ERAP1: variants seen among roughly 807,000 people sequenced by gnomAD.
ERAP1 encodes adipocyte-derived leucine aminopeptidase.
ERAP1 carries 86 observed loss-of-function variants against 103.7 expected under a neutral mutation model. That is an observed-to-expected ratio of 0.83 (90% CI 0.70 to 0.99). ERAP1 has a LOEUF of 0.99. ERAP1 is among the 50% of genes least tolerant of loss of function. The pLI is 0.00. For synonymous variants in ERAP1, 398 were observed against 402.4 expected (o/e 0.99, Z 0.13); for missense variants, 1,009 against 1,128.4 (o/e 0.89, Z 1.52).
At chr5:96,890,319 A>G in the ERAP1 span, among the ~76,000 whole-genome samples, 4 of 152,158 alleles carry the variant, frequency 2.6e-5, no homozygotes, top group African/African-American at 9.7e-5. Context: ...CGCAACTTAG[A>G]TCCCTCACAT....
At chr5:96,920,597 A>G in the ERAP1 span, among the ~76,000 whole-genome samples, 1 of 152,256 alleles carries the variant, frequency 6.6e-6, no homozygotes, top group African/African-American at 2.4e-5. Flanking sequence ...TCTACCAAAC[A>G]TAAGCCTGCT....
the ERAP1 span, among the ~76,000 whole-genome samples, chr5:96,856,148 G>A: frequency 9.3e-5 from 14 of 150,350 alleles, no homozygotes; most frequent in Middle Eastern, 6.3e-3. Context: ...GTGAAACCCC[G>A]TCTGTATTAA....
At chr5:96,914,146 T>TCACACACACACA in the ERAP1 span, among the ~76,000 whole-genome samples, 5 of 104,724 alleles carry the variant, frequency 4.8e-5, no homozygotes, top group Admixed American at 2.1e-4. Flanking sequence ...TCTCTCTCTC[T>TCACACACACACA]CTCACACACA....
the ERAP1 span, chr5:96,889,524 G>A: frequency 5.7e-6 from 4 of 698,838 alleles, no homozygotes; most frequent in Non-Finnish European, 1.0e-5. Flanking sequence ...CTTTTATCAG[G>A]TTTAACGTTA....
the ERAP1 span, among the ~76,000 whole-genome samples, chr5:96,831,431 A>G: frequency 4.6e-5 from 7 of 152,296 alleles, no homozygotes; most frequent in African/African-American, 1.7e-4. Flanking sequence ...CAAATACTGT[A>G]TTTTCCATCC....
At chr5:96,918,477 G>C in the ERAP1 span, 6 of 152,190 alleles carry the variant, frequency 3.9e-5, no homozygotes, top group Non-Finnish European at 8.8e-5. Context: ...GGCCTTTTGG[G>C]TTAAGCCTTA....
At chr5:96,932,999 G>C in the ERAP1 span, among the ~76,000 whole-genome samples, 2 of 152,138 alleles carry the variant, frequency 1.3e-5, no homozygotes, top group African/African-American at 4.8e-5. Flanking sequence ...GAAGTTCTGT[G>C]TGGGAGGATA....
intron 11 of ERAP1, among the ~76,000 whole-genome samples, chr5:96,787,068 G>C (rs1776111091): frequency 6.6e-6 from 1 of 152,090 alleles, no homozygotes; most frequent in African/African-American, 2.4e-5. Flanking sequence ...AGACCAAAAT[G>C]ATGCAACAAC....
Position 96,793,462 on chromosome 5 carries a change from C to T in ERAP1, c.1126G>A (p.Glu376Lys). 1 of 1,613,906 alleles carries T rather than the reference C, an allele frequency of 6.2e-7. No individual in the cohort carries two copies. The highest frequency in any genetic ancestry group is 8.5e-7 in the Non-Finnish European group (1 of 1,179,894). ...AACTCCATAAATTTGGCAAATCCTT[C>T]ATTTAGCCAAAGATCATTCCACCAT... Reference protein sequence around the residue: ...MEWWNDLWLNEGFAKFMEFVS... With the variant: ...MEWWNDLWLNKGFAKFMEFVS... The change falls in exon 7 of 19, where the codon GAA (glutamate) becomes AAA (lysine). Residue 376 changes from glutamate (E) to lysine (K), a missense_variant. Glu to Lys is a moderately conservative substitution (Grantham distance 56). Around this residue, in one of 3 missense-constraint regions of ERAP1, gnomAD observed 392 missense variants for 455.2 expected, o/e 0.86. Coordinates refer to ENST00000443439, the MANE Select transcript of ERAP1 (RefSeq NM_001040458.3).
the ERAP1 span, among the ~76,000 whole-genome samples, chr5:96,813,761 TTC>T: frequency 1.3e-5 from 2 of 151,284 alleles, no homozygotes; most frequent in Admixed American, 6.6e-5. Flanking sequence ...GTAGTTAGCA[TTC>T]TGTTATATCT....
the ERAP1 span, among the ~76,000 whole-genome samples, chr5:96,862,026 G>A: frequency 7.9e-4 from 121 of 152,262 alleles, no homozygotes; most frequent in African/African-American, 2.7e-3. Context: ...TGTCACCCAG[G>A]TTGGAGTGCA....
At chr5:96,894,189 T>A in the ERAP1 span, among the ~76,000 whole-genome samples, 1 of 152,218 alleles carries the variant, frequency 6.6e-6, no homozygotes, top group East Asian at 1.9e-4. Context: ...TCCGTAGGTA[T>A]TTACTGAATG....
rs567581904 is a variant in ERAP1, at chr5:96,785,190, C to T, written c.1943+598G>A. The T allele has an allele frequency of 6.1e-5, 9 of 146,578 alleles. No homozygotes were observed. In the South Asian group the frequency reaches 1.8e-3, roughly 29 times the overall value. The allele number at this position is 146,578 out of a possible 1,614,324, so 9.1% of individuals were successfully genotyped here. ...GGAGCATTTCCTTAAAAACCATTGT[C>T]ATGGGGGAGGAAAAAAAAAGGGTAG... On this transcript the variant is annotated intron_variant, in intron 13 of 18. Transcript: ENST00000443439.
At chr5:96,903,657 T>C in the ERAP1 span, 10 of 1,149,276 alleles carry the variant, frequency 8.7e-6, no homozygotes, top group Non-Finnish European at 1.2e-5. Flanking sequence ...GTCATTGATT[T>C]AATATGGATT....
chr5:96,855,243 C>T, the ERAP1 span, among the ~76,000 whole-genome samples: 1 of 152,130 alleles, frequency 6.6e-6, no homozygotes, highest in African/African-American at 2.4e-5. Context: ...ATGATTGCAT[C>T]ATTATTATAA....
chr5:96,775,864 G>T lies in ERAP1; in HGVS notation c.*532C>A. 1.3e-6 allele frequency: 1 copy of T among 741,748 alleles called. No homozygotes were observed. Among genetic ancestry groups the T allele is most frequent in the Non-Finnish European group, 1.7e-6 (1 of 604,626 alleles). The allele number at this position is 741,748 out of a possible 1,614,324, so 45.9% of individuals were successfully genotyped here. A position where few individuals can be genotyped will look rare whatever the true frequency, so the allele number is the denominator to read the frequency against. ...GCTCCCCACTGACCAACATCCAAAGGGCAAGAAAGCTTGATGACTTGGCCT... is the reference window on the plus strand; with the variant it reads ...GCTCCCCACTGACCAACATCCAAAGTGCAAGAAAGCTTGATGACTTGGCCT... On this transcript the variant is annotated 3_prime_UTR_variant, in exon 19 of 19. Coordinates refer to ENST00000443439, the MANE Select transcript of ERAP1 (RefSeq NM_001040458.3).
chr5:96,903,560 G>A, the ERAP1 span: 6 of 1,587,878 alleles, frequency 3.8e-6, no homozygotes, highest in African/African-American at 1.4e-5. Flanking sequence ...CAGCTAGTTG[G>A]GTAAGGCAAC....
the ERAP1 span, among the ~76,000 whole-genome samples, chr5:96,847,663 G>A: frequency 3.3e-5 from 5 of 152,082 alleles, no homozygotes; most frequent in Admixed American, 2.0e-4. Flanking sequence ...ATCCATAGCA[G>A]GAGGAATCAT....
At chr5:96,926,890 C>G in the ERAP1 span, among the ~76,000 whole-genome samples, 1 of 152,152 alleles carries the variant, frequency 6.6e-6, no homozygotes, top group South Asian at 2.1e-4. Flanking sequence ...AGTCTCAGCT[C>G]GCTGCAGCCT....
Sources: allele counts gnomAD v4.1 joint callset (sites outside exome capture counted in the v4.1 genomes callset), GRCh38; gene constraint gnomAD v4.1.1; regional missense constraint gnomAD v4.1.1; transcripts MANE v1.5; gene names NCBI Gene and HGNC (gene_info 2026-07-23, HGNC 2026-07-21).